GRAMD4: variants seen among roughly 807,000 people sequenced by gnomAD.
GRAMD4 encodes the protein GRAM domain containing 4, also known as GRAM domain-containing protein 4.
GRAMD4 carries 25 observed loss-of-function variants against 83.9 expected under a neutral mutation model. That is an observed-to-expected ratio of 0.30 (90% confidence interval 0.22 to 0.42). The LOEUF (loss-of-function observed/expected upper bound fraction) is 0.42, where lower values mean the gene tolerates loss of function less well. Among genes scored for constraint, GRAMD4 ranks in the 10% least tolerant of loss-of-function variants. GRAMD4 has a pLI of 1.00. For synonymous variants in GRAMD4, 336 were observed against 320.9 expected, an observed-to-expected ratio of 1.05 and a Z score of -0.50; for missense variants, 593 against 788.7, an observed-to-expected ratio of 0.75 and a Z score of 2.97.
intron 1 of GRAMD4, chr22:46,588,057 T>C (rs142401352): frequency 1.6e-6 from 1 of 610,596 alleles, no homozygotes; most frequent in Non-Finnish European, 2.1e-6. Context: ...AGAGAGAGAC[T>C]CTGGGACAGC....
chr22:46,661,392 A>G lies in GRAMD4; in HGVS notation c.416A>G (p.Gln139Arg), dbSNP rs149306643. 3.3e-4 allele frequency: 525 copies of G among 1,611,586 alleles called. No homozygotes were observed. Among genetic ancestry groups the G allele is most frequent in the Non-Finnish European group, 4.3e-4 (508 of 1,179,122 alleles). The change falls in exon 5 of 19, where the codon CAG (glutamine) becomes CGG (arginine). Residue 139 changes from glutamine (Q) to arginine (R), a missense_variant. Around this residue, in one of 4 missense-constraint regions of GRAMD4, gnomAD observed 312 missense variants for 350.7 expected, o/e 0.89. Transcript: ENST00000406902. ...CCCTGCTTTTTAAGAACCGAGGAGC[A>G]GATGGCTCAGCAGCCCCCAAAAGGG... ...QEVLKARTEE[Q>R]MAQQPPKGQA...
chr22:46,673,135 G>GT, intron 14 of GRAMD4, 138 bp downstream of exon 14: 1 of 755,338 alleles, frequency 1.3e-6, no homozygotes, highest in African/African-American at 1.8e-5. Flanking sequence ...TAAACTTGAG[G>GT]GTTTTTTTTT....
upstream of GRAMD4, among the ~76,000 whole-genome samples, chr22:46,615,621 G>A (rs1316391754): frequency 8.5e-6 from 1 of 117,818 alleles, no homozygotes; most frequent in Non-Finnish European, 1.8e-5. Context: ...CGTGCGTGTA[G>A]GTTCCCCCGT....
chr22:46,649,425 G>A (rs1048579524), intron 3 of GRAMD4, among the ~76,000 whole-genome samples: 2 of 152,242 alleles, frequency 1.3e-5, no homozygotes, highest in African/African-American at 4.8e-5. Flanking sequence ...CAGGCTGTCA[G>A]ATGCCGCGTG....
chr22:46,665,768 C>G, intron 9 of GRAMD4, 62 bp downstream of exon 9: 1 of 906,798 alleles, frequency 1.1e-6, no homozygotes, highest in Non-Finnish European at 1.8e-6. Context: ...TGCTGTCTCC[C>G]TGCGTCTCAC....
At chr22:46,611,684 A>G (rs977395566) in intron 1 of GRAMD4, among the ~76,000 whole-genome samples, 1 of 151,736 alleles carries the variant, frequency 6.6e-6, no homozygotes, top group South Asian at 2.1e-4. Flanking sequence ...TATTTTTATT[A>G]ATTTATTTTT....
chr22:46,659,053 C>A lies in GRAMD4; in HGVS notation c.404+746C>A, dbSNP rs1047225144. The stretch of plus-strand genomic sequence containing the variant: ...CTCCTGTCTCGCTAACACCACGAGG[C>A]TCCGTGTCCCTCTGCACAAGTTCAA... On this transcript the variant is annotated intron_variant, in intron 4 of 18. Transcript: ENST00000406902. This position sits in a 1 kb window ranked among gnomAD's most constrained non-coding sequence, Gnocchi z 4.1. Among the ~76,000 whole-genome samples the A allele has an allele frequency of 2.0e-5, 3 of 152,164 alleles. No homozygotes were observed. Among genetic ancestry groups the A allele is most frequent in the Non-Finnish European group, 2.9e-5 (2 of 68,022 alleles).
At chr22:46,608,867 C>G (rs1171397673) in intron 1 of GRAMD4, among the ~76,000 whole-genome samples, 2 of 152,094 alleles carry the variant, frequency 1.3e-5, no homozygotes, top group African/African-American at 4.8e-5. Context: ...TAAAAATTAG[C>G]TGGGCAGTGG....
intron 2 of GRAMD4, among the ~76,000 whole-genome samples, chr22:46,633,036 A>G (rs1301302344): frequency 6.6e-6 from 1 of 152,140 alleles, no homozygotes; most frequent in South Asian, 2.1e-4. Context: ...TGTAGGGCTG[A>G]GTGGGCAGAG....
At chr22:46,604,711 C>G (rs1024709624) in intron 1 of GRAMD4, among the ~76,000 whole-genome samples, 10 of 152,242 alleles carry the variant, frequency 6.6e-5, no homozygotes, top group Non-Finnish European at 8.8e-5. Flanking sequence ...GGTTCTGGAG[C>G]CATAACGTCC....
upstream of GRAMD4, among the ~76,000 whole-genome samples, chr22:46,616,773 C>A (rs111220740): frequency 1.8e-4 from 1 of 5,596 alleles, no homozygotes; most frequent in South Asian, 6.8e-3. Flanking sequence ...TTCCCCTGTG[C>A]GTGCAGGTTC....
In GRAMD4 at chr22:46,622,909, C is replaced by T. The variant is rs539617103; in HGVS notation, c.-50+2344C>T. Among the ~76,000 whole-genome samples the T allele has an allele frequency of 4.4e-4, 57 of 128,990 alleles. No individual in the cohort carries two copies. The highest frequency in any genetic ancestry group is 1.4e-3 in the Admixed American group (17 of 11,840). 84.6% of individuals were successfully genotyped at this position (128,990 alleles called of 152,430 possible). ...CCTGGGCGACAGAGCAAGACTCCAT[C>T]TCTAAAAAAAAAAAAAAAAAAACTG... On this transcript the variant is annotated intron_variant, in intron 1 of 18. Transcript: ENST00000406902. The surrounding 1 kb of genome is among the most constrained non-coding windows in gnomAD (Gnocchi z 4.0).
At chr22:46,581,831 A>C (rs1386702201) in intron 1 of GRAMD4, among the ~76,000 whole-genome samples, 1 of 152,180 alleles carries the variant, frequency 6.6e-6, no homozygotes, top group Non-Finnish European at 1.5e-5. Flanking sequence ...AGCGTGCTTG[A>C]TCTTGCTGCT....
chr22:46,656,362 C>G (rs181431412), intron 3 of GRAMD4, among the ~76,000 whole-genome samples: 63 of 152,214 alleles, frequency 4.1e-4, no homozygotes, highest in African/African-American at 1.5e-3. Context: ...CTGTGGCTGC[C>G]GGGCAGGAAG....
chr22:46,657,821 T>C (rs2542044), intron 3 of GRAMD4, among the ~76,000 whole-genome samples: 84,426 of 152,100 alleles, frequency 0.56, 24,464 homozygotes, highest in African/African-American at 0.72. Flanking sequence ...TGGCCAGGTG[T>C]GGTCAGCGTC....
upstream of GRAMD4, among the ~76,000 whole-genome samples, chr22:46,618,361 C>A (rs1016722912): frequency 2.0e-5 from 3 of 151,550 alleles, no homozygotes; most frequent in Admixed American, 2.0e-4. The surrounding 1 kb of genome is among the most constrained non-coding windows in gnomAD (Gnocchi z 5.8). Context: ...AAGGACCCCA[C>A]GTCAAACCAA....
chr22:46,589,421 G>A (rs947243845), intron 1 of GRAMD4, among the ~76,000 whole-genome samples: 1 of 150,204 alleles, frequency 6.7e-6, no homozygotes, highest in Non-Finnish European at 1.5e-5. Context: ...TGTGCCTCAC[G>A]TGGCCCGAGG....
intron 3 of GRAMD4, among the ~76,000 whole-genome samples, chr22:46,650,809 G>C (rs567826684): frequency 6.6e-6 from 1 of 152,226 alleles, no homozygotes; most frequent in Non-Finnish European, 1.5e-5. Flanking sequence ...GTGCTGACTG[G>C]AAGTGGGTGG....
At chr22:46,588,499 G>A (rs1048833315) in intron 1 of GRAMD4, among the ~76,000 whole-genome samples, 7 of 152,210 alleles carry the variant, frequency 4.6e-5, no homozygotes, top group Admixed American at 1.3e-4. Flanking sequence ...CCACTACAGA[G>A]GGCAAGAGGG....
Sources: gnomAD v4.1 joint callset for allele counts (sites outside exome capture counted in the v4.1 genomes callset) on GRCh38, gnomAD v4.1.1 for gene constraint, gnomAD v4.1.1 regional missense constraint, Gnocchi (gnomAD v3.1) non-coding constraint, MANE v1.5 for transcripts, NCBI Gene and HGNC (gene_info 2026-07-23, HGNC 2026-07-21) for gene names.